Variants in IQCK observed in about 807,000 individuals in gnomAD.
The protein encoded by IQCK is IQ domain-containing protein K.
Under a neutral mutation model 28.1 loss-of-function variants are expected in IQCK, and 29 were observed. The ratio of observed to expected loss-of-function variants is 1.03; its 90% CI spans 0.77 to 1.41. IQCK has a LOEUF of 1.41. Among genes scored for constraint, IQCK ranks in the 40% most tolerant of loss-of-function variants. IQCK has a pLI of 0.00. For missense variants in IQCK, 359 were observed against 314.7 expected, an observed-to-expected ratio of 1.14 and a Z score of -1.07; for synonymous variants, 113 against 115.1, an observed-to-expected ratio of 0.98 and a Z score of 0.12.
chr16:19,760,836 G>A (rs920248914), intron 4 of IQCK, among the ~76,000 whole-genome samples: 1 of 152,178 alleles, frequency 6.6e-6, no homozygotes, highest in African/African-American at 2.4e-5. Context: ...AGCCCCGAGG[G>A]CTGCTGGCTG....
intron 6 of IQCK, among the ~76,000 whole-genome samples, chr16:19,774,134 A>T (rs62025015): frequency 0.051 from 7,717 of 152,214 alleles, 486 homozygotes; most frequent in South Asian, 0.24. Context: ...GTGACAGTGT[A>T]GTGTGGTGGT....
intron 9 of IQCK, among the ~76,000 whole-genome samples, chr16:19,837,253 T>C (rs2056310271): frequency 6.6e-6 from 1 of 151,850 alleles, no homozygotes; most frequent in African/African-American, 2.4e-5. Context: ...ATATGAAAAC[T>C]AGCTGGGTAT....
intron 7 of IQCK, among the ~76,000 whole-genome samples, chr16:19,818,005 G>A (rs555861740): frequency 3.9e-5 from 6 of 152,120 alleles, no homozygotes; most frequent in Non-Finnish European, 8.8e-5. Flanking sequence ...ATCAGTTGTC[G>A]CGGTCCAGAA....
At chr16:19,837,700 G>T (rs937883305) in intron 9 of IQCK, among the ~76,000 whole-genome samples, 1 of 152,182 alleles carries the variant, frequency 6.6e-6, no homozygotes, top group African/African-American at 2.4e-5. Context: ...GGTAATTTAT[G>T]TACAGCAGTG....
At chr16:19,735,497 C>A in intron 4 of IQCK, 47 bp downstream of exon 4, 1 of 1,366,422 alleles carries the variant, frequency 7.3e-7, no homozygotes, top group Non-Finnish European at 1.0e-6. Context: ...CTCAATCATT[C>A]ATTATTATCA....
intron 2 of IQCK, among the ~76,000 whole-genome samples, chr16:19,731,655 G>T (rs185821511): frequency 5.9e-5 from 9 of 152,252 alleles, no homozygotes; most frequent in Admixed American, 3.3e-4. Context: ...TTTATTAATG[G>T]TCTTCAGTGG....
intron 9 of IQCK, among the ~76,000 whole-genome samples, chr16:19,844,961 A>T (rs946898807): frequency 1.4e-4 from 21 of 152,206 alleles, no homozygotes; most frequent in African/African-American, 4.1e-4. Flanking sequence ...GGCACACGTC[A>T]CCATGCCTGA....
intron 6 of IQCK, chr16:19,765,828 C>G (rs1252584346): frequency 6.6e-6 from 1 of 152,112 alleles, no homozygotes; most frequent in Non-Finnish European, 1.5e-5. Flanking sequence ...CTAAGACAAG[C>G]TTCTTTGAGT....
At chr16:19,829,440 G>A (rs1019460692), downstream of IQCK, among the ~76,000 whole-genome samples, 1 of 151,818 alleles carries the variant, frequency 6.6e-6, no homozygotes, top group African/African-American at 2.4e-5. Flanking sequence ...GGGTTCAAGC[G>A]ATTCTCATGC....
At chr16:19,813,130 A>T (rs2055929727) in intron 7 of IQCK, among the ~76,000 whole-genome samples, 1 of 152,236 alleles carries the variant, frequency 6.6e-6, no homozygotes, top group African/African-American at 2.4e-5. Flanking sequence ...AGAAGTAATT[A>T]GTCAACTGGA....
At chr16:19,840,313 A>G (rs973495379) in intron 9 of IQCK, among the ~76,000 whole-genome samples, 1 of 150,918 alleles carries the variant, frequency 6.6e-6, no homozygotes, top group Non-Finnish European at 1.5e-5. Flanking sequence ...CCAAGATCGC[A>G]CCATTGCACT....
At chr16:19,735,472 C>A (rs1258407375) in intron 4 of IQCK, 22 bp downstream of exon 4, 3 of 1,522,662 alleles carry the variant, frequency 2.0e-6, no homozygotes, top group East Asian at 2.2e-5. Flanking sequence ...GGCAGGATTT[C>A]TTTATTTTGA....
intron 7 of IQCK, among the ~76,000 whole-genome samples, chr16:19,802,914 GC>G (rs1452322806): frequency 1.3e-5 from 2 of 152,140 alleles, no homozygotes; most frequent in Admixed American, 1.3e-4. Context: ...TCTTAACTCT[GC>G]TGAGGAATAA....
At chr16:19,792,671 A>G (rs1221181543) in intron 7 of IQCK, among the ~76,000 whole-genome samples, 1 of 103,182 alleles carries the variant, frequency 9.7e-6, no homozygotes, top group Non-Finnish European at 1.7e-5. Context: ...TCCTGGGTTC[A>G]AGCGATTCTC....
At chr16:19,777,112 G>A (rs1023766778) in intron 6 of IQCK, among the ~76,000 whole-genome samples, 30 of 152,144 alleles carry the variant, frequency 2.0e-4, no homozygotes, top group African/African-American at 7.2e-4. Context: ...GACCTTCAAT[G>A]AAACAAAGAT....
At chr16:19,741,891 T>G (rs8053999) in intron 4 of IQCK, among the ~76,000 whole-genome samples, 51,294 of 151,854 alleles carry the variant, frequency 0.34, 13,478 homozygotes, top group African/African-American at 0.74. Flanking sequence ...GGAGGCTGAG[T>G]CAGGAGACTT....
chr16:19,775,714 C>T (rs1196467858), intron 6 of IQCK, among the ~76,000 whole-genome samples: 1 of 152,058 alleles, frequency 6.6e-6, no homozygotes, highest in Admixed American at 6.5e-5. Context: ...GTAGGAGGTC[C>T]CTCAGCTCTT....
intron 3 of IQCK, chr16:19,734,137 G>C (rs1408435743): frequency 4.5e-6 from 1 of 221,076 alleles, no homozygotes; most frequent in Non-Finnish European, 8.9e-6. Context: ...CACTTTGAGA[G>C]ACCAAGGCAG....
At chr16:19,725,975 G>T (rs992151785) in intron 1 of IQCK, among the ~76,000 whole-genome samples, 1 of 150,584 alleles carries the variant, frequency 6.6e-6, no homozygotes, top group East Asian at 2.0e-4. Flanking sequence ...GAGTGCAGCG[G>T]CTCGATCTCT....
Sources: gnomAD v4.1 joint callset for allele counts (sites outside exome capture counted in the v4.1 genomes callset) on GRCh38, gnomAD v4.1.1 for gene constraint, MANE v1.5 for transcripts, NCBI Gene and HGNC (gene_info 2026-07-23, HGNC 2026-07-21) for gene names.